RDH12: variants seen among roughly 807,000 people sequenced by gnomAD.
RDH12 encodes the protein retinol dehydrogenase 12.
Under a neutral mutation model 34.0 loss-of-function variants are expected in RDH12, and 21 were observed. The observed-to-expected ratio is 0.62, with a 90% confidence interval of 0.44 to 0.89. RDH12 has a LOEUF of 0.89. Among genes scored for constraint, RDH12 ranks in the 40% least tolerant of loss-of-function variants. The probability of loss-of-function intolerance (pLI) is 0.00; values close to 1 mark genes in which losing one functional copy is unlikely to be tolerated. For synonymous variants in RDH12, 198 were observed against 169.9 expected, an observed-to-expected ratio of 1.17 and a Z score of -1.29; for missense variants, 394 against 398.6, an observed-to-expected ratio of 0.99 and a Z score of 0.10.
intron 1 of RDH12, among the ~76,000 whole-genome samples, chr14:67,703,423 A>G (rs1028462732): frequency 6.6e-6 from 1 of 152,222 alleles, no homozygotes. Flanking sequence ...TATAAGAAAA[A>G]CAAAATTTCT....
chr14:67,704,179 C>G (rs867782805), intron 1 of RDH12, among the ~76,000 whole-genome samples: 4 of 151,974 alleles, frequency 2.6e-5, no homozygotes, highest in African/African-American at 9.7e-5. Context: ...TCTAAAAAAT[C>G]TGTGCCTAAG....
chr14:67,704,109 T>G (rs1447956759), intron 1 of RDH12, among the ~76,000 whole-genome samples: 1 of 152,214 alleles, frequency 6.6e-6, no homozygotes, highest in Non-Finnish European at 1.5e-5. Flanking sequence ...TTGTTCCCCT[T>G]GTTTTAAATT....
chr14:67,710,444 A>G (rs1441104703), intron 1 of RDH12, among the ~76,000 whole-genome samples: 1 of 152,208 alleles, frequency 6.6e-6, no homozygotes, highest in African/African-American at 2.4e-5. Context: ...TGTGACTTAC[A>G]TAGACCTTTT....
intron 1 of RDH12, among the ~76,000 whole-genome samples, chr14:67,708,511 A>G (rs2140110927): frequency 6.6e-6 from 1 of 152,330 alleles, no homozygotes; most frequent in African/African-American, 2.4e-5. Flanking sequence ...GAAAGGTTTT[A>G]GGGCAGCCAT....
Position 67,734,230 on chromosome 14 carries a change from G to A in RDH12, c.*382G>A, listed in dbSNP as rs570107104. The A allele has an allele frequency of 2.0e-5, 5 of 245,398 alleles. No homozygotes were observed. The highest frequency in any genetic ancestry group is 4.1e-5 in the Non-Finnish European group (5 of 122,138). The allele number at this position is 245,398 out of a possible 1,614,324, so 15.2% of individuals were successfully genotyped here. A position where few individuals can be genotyped will look rare whatever the true frequency, so the allele number is the denominator to read the frequency against. ...AGCACCATCACTGCCTATTTCTAGG[G>A]GCTATACACTCCAACTCTTGGTTGA... On this transcript the variant is annotated 3_prime_UTR_variant, in exon 9 of 9. Coordinates refer to ENST00000551171, the MANE Select transcript of RDH12 (RefSeq NM_152443.3).
At chr14:67,719,012 A>T (rs992456274) in intron 1 of RDH12, among the ~76,000 whole-genome samples, 1 of 152,248 alleles carries the variant, frequency 6.6e-6, no homozygotes, top group Non-Finnish European at 1.5e-5. Context: ...TTTATCCAGT[A>T]AGATACACCA....
At chr14:67,715,617 TTACTC>T (rs1337828063) in intron 1 of RDH12, among the ~76,000 whole-genome samples, 1 of 152,208 alleles carries the variant, frequency 6.6e-6, no homozygotes, top group Admixed American at 6.5e-5. Flanking sequence ...CATTTCTACT[TTACTC>T]TATTTCAGTC....
chr14:67,732,238 A>G (rs566763541), intron 8 of RDH12, among the ~76,000 whole-genome samples: 8 of 151,916 alleles, frequency 5.3e-5, no homozygotes, highest in African/African-American at 1.7e-4. Flanking sequence ...GGAATTCCAT[A>G]CCAGCCTGGA....
chr14:67,707,359 A>C (rs991936659), intron 1 of RDH12, among the ~76,000 whole-genome samples: 3 of 152,228 alleles, frequency 2.0e-5, no homozygotes, highest in African/African-American at 7.2e-5. Context: ...ATTTTTACTA[A>C]AGACAAATTA....
intron 1 of RDH12, among the ~76,000 whole-genome samples, chr14:67,702,993 T>C (rs576909273): frequency 4.6e-4 from 70 of 152,140 alleles, no homozygotes; most frequent in Middle Eastern, 3.4e-3. Context: ...TAAAAAAGTT[T>C]TTTTTTTGTA....
Position 67,725,041 on chromosome 14 carries a change from A to G in RDH12, c.188-58A>G, listed in dbSNP as rs145072903. The stretch of plus-strand genomic sequence containing the variant: ...TCCCCCAGTCCCAAGCTCACTTACT[A>G]TACCTCCTTTATAGCCTAGGATATG... On this transcript the variant is annotated intron_variant, in intron 4 of 8. Coordinates refer to ENST00000551171, the MANE Select transcript of RDH12 (RefSeq NM_152443.3). 3,634 of 1,591,586 alleles carry G rather than the reference A, an allele frequency of 2.3e-3. 51 individuals are homozygous for G. The East Asian group carries it at 0.029, about 13-fold the overall frequency.
intron 7 of RDH12, chr14:67,727,533 A>G (rs1594866588): frequency 1.3e-5 from 4 of 317,098 alleles, no homozygotes; most frequent in African/African-American, 2.3e-5. Flanking sequence ...CCCAGGCTGG[A>G]GTGCAGTAGT....
At chr14:67,732,095 C>T (rs1430955784) in intron 8 of RDH12, among the ~76,000 whole-genome samples, 2 of 148,452 alleles carry the variant, frequency 1.3e-5, no homozygotes, top group Non-Finnish European at 3.0e-5. Flanking sequence ...CCACTGCACT[C>T]CAGCCTGGGC....
At chr14:67,707,016 T>C (rs2037957740) in intron 1 of RDH12, among the ~76,000 whole-genome samples, 1 of 152,234 alleles carries the variant, frequency 6.6e-6, no homozygotes, top group Non-Finnish European at 1.5e-5. Context: ...CACATTACTC[T>C]GTAGTCCATA....
At chr14:67,727,761 C>A in intron 7 of RDH12, 1 of 173,448 alleles carries the variant, frequency 5.8e-6, no homozygotes, top group Non-Finnish European at 1.2e-5. Flanking sequence ...ATTATTACTC[C>A]TAGTTTATAG....
chr14:67,717,729 T>C (rs1409041950), intron 1 of RDH12: 1 of 152,218 alleles, frequency 6.6e-6, no homozygotes, highest in Non-Finnish European at 1.5e-5. Context: ...AAATCCTCCT[T>C]TACTCGGAAC....
intron 2 of RDH12, among the ~76,000 whole-genome samples, chr14:67,722,145 T>A (rs897204907): frequency 6.6e-6 from 1 of 152,142 alleles, no homozygotes; most frequent in African/African-American, 2.4e-5. Context: ...GGTTAACTGC[T>A]CTTCTGACGT....
chr14:67,708,319 G>C (rs1566838777), intron 1 of RDH12, among the ~76,000 whole-genome samples: 1 of 152,140 alleles, frequency 6.6e-6, no homozygotes, highest in Non-Finnish European at 1.5e-5. Flanking sequence ...TGTTCTGCTT[G>C]ATATTCGTGA....
intron 1 of RDH12, among the ~76,000 whole-genome samples, chr14:67,719,786 ATGTT>A (rs1236145152): frequency 6.6e-6 from 1 of 152,036 alleles, no homozygotes; most frequent in African/African-American, 2.4e-5. Context: ...CCAAAATTTA[ATGTT>A]TATTTACTTA....
Sources: allele counts gnomAD v4.1 joint callset (sites outside exome capture counted in the v4.1 genomes callset), GRCh38; gene constraint gnomAD v4.1.1; transcripts MANE v1.5; gene names NCBI Gene and HGNC (gene_info 2026-07-23, HGNC 2026-07-21).